Variants in LRP1B observed in about 807,000 individuals in gnomAD.
LRP1B encodes low-density lipoprotein receptor-related protein 1B.
A neutral mutation model predicts 556.6 loss-of-function variants in LRP1B; 217 were observed. That is an observed-to-expected ratio of 0.39 (90% CI 0.35 to 0.44). The LOEUF (loss-of-function observed/expected upper bound fraction) is 0.44, where lower values mean the gene tolerates loss of function less well. Ranked by LOEUF, LRP1B falls within the 20% of genes least tolerant of loss-of-function variation. LRP1B has a pLI of 1.00. For missense variants in LRP1B, 5,053 were observed against 5,620.8 expected, an observed-to-expected ratio of 0.90 and a Z score of 3.23; for synonymous variants, 2,047 against 1,865.8, an observed-to-expected ratio of 1.10 and a Z score of -2.50.
intron 60 of LRP1B, among the ~76,000 whole-genome samples, chr2:140,464,630 C>T (rs982462903): frequency 2.0e-5 from 3 of 152,174 alleles, no homozygotes; most frequent in African/African-American, 4.8e-5. Flanking sequence ...TTGCTTCATG[C>T]ACTTGGTAAA....
intron 2 of LRP1B, among the ~76,000 whole-genome samples, chr2:141,665,681 T>C (rs997024544): frequency 3.3e-5 from 5 of 152,064 alleles, no homozygotes; most frequent in African/African-American, 1.2e-4. Context: ...TCAACGCAAA[T>C]GCGCATCAAT....
intron 66 of LRP1B, among the ~76,000 whole-genome samples, chr2:140,399,062 CCATT>C (rs1435274416): frequency 3.3e-5 from 5 of 151,862 alleles, no homozygotes; most frequent in Non-Finnish European, 7.4e-5. Context: ...ATTGAATAAA[CCATT>C]CAAATACTTA....
chr2:141,061,952 G>A, intron 8 of LRP1B, 99 bp downstream of exon 8: 1 of 873,718 alleles, frequency 1.1e-6, no homozygotes, highest in South Asian at 1.4e-5. Flanking sequence ...ATGACTCATT[G>A]CAGCTCGACT....
At chr2:141,021,909 A>G (rs1460446291) in intron 11 of LRP1B, among the ~76,000 whole-genome samples, 1 of 151,968 alleles carries the variant, frequency 6.6e-6, no homozygotes, top group African/African-American at 2.4e-5. Context: ...GGAATACAGT[A>G]ACTTCTCAGT....
chr2:141,190,379 T>A (rs1398324301), intron 6 of LRP1B, among the ~76,000 whole-genome samples: 1 of 152,002 alleles, frequency 6.6e-6, no homozygotes, highest in East Asian at 1.9e-4. Context: ...TTTTTGCCCC[T>A]ACGCTATTCT....
intron 7 of LRP1B, among the ~76,000 whole-genome samples, chr2:141,125,836 T>C (rs1222534622): frequency 1.0e-5 from 1 of 99,602 alleles, no homozygotes; most frequent in Non-Finnish European, 2.0e-5. Flanking sequence ...TGTAACTCCT[T>C]TCAAATGCAA....
At chr2:141,298,926 C>T (rs1217604770) in intron 3 of LRP1B, among the ~76,000 whole-genome samples, 1 of 149,264 alleles carries the variant, frequency 6.7e-6, no homozygotes, top group Non-Finnish European at 1.5e-5. Flanking sequence ...TCCACTCCAG[C>T]CTGGGTGACA....
chr2:141,950,845 G>A (rs545162606), intron 1 of LRP1B, among the ~76,000 whole-genome samples: 2 of 152,168 alleles, frequency 1.3e-5, no homozygotes, highest in South Asian at 4.1e-4. Flanking sequence ...AACTTTTGGT[G>A]TTTGTTTATA....
At chr2:142,117,696 C>A (rs1248167852) in intron 1 of LRP1B, among the ~76,000 whole-genome samples, 4 of 151,972 alleles carry the variant, frequency 2.6e-5, no homozygotes, top group Non-Finnish European at 5.9e-5. Flanking sequence ...ATATTTAAAA[C>A]TTAGGATATT....
intron 2 of LRP1B, among the ~76,000 whole-genome samples, chr2:141,619,507 G>T (rs1688427280): frequency 6.6e-6 from 1 of 152,130 alleles, no homozygotes; most frequent in Admixed American, 6.5e-5. Flanking sequence ...AGGTGATTCT[G>T]CAATTCAATT....
At chr2:141,712,326 C>T (rs1692391116) in intron 2 of LRP1B, among the ~76,000 whole-genome samples, 1 of 151,728 alleles carries the variant, frequency 6.6e-6, no homozygotes, top group African/African-American at 2.4e-5. Context: ...GCCACAGAAC[C>T]AGTATCACGT....
chr2:141,356,588 A>G (rs1559026291), intron 3 of LRP1B, among the ~76,000 whole-genome samples: 1 of 151,698 alleles, frequency 6.6e-6, no homozygotes, highest in East Asian at 1.9e-4. Flanking sequence ...GGTAACATGT[A>G]TGTTTTTAAG....
chr2:140,346,424 C>T (rs1029244669), intron 77 of LRP1B, among the ~76,000 whole-genome samples: 4 of 151,742 alleles, frequency 2.6e-5, no homozygotes, highest in African/African-American at 9.7e-5. Flanking sequence ...TTATCACTTA[C>T]CTGAGTCAAT....
intron 82 of LRP1B, among the ~76,000 whole-genome samples, chr2:140,319,078 C>T (rs1325568859): frequency 1.3e-5 from 2 of 151,994 alleles, no homozygotes; most frequent in South Asian, 2.1e-4. Flanking sequence ...TCATCTCAGC[C>T]CTGTACTAGG....
chr2:140,523,301 CA>C (rs1190517354), intron 49 of LRP1B, among the ~76,000 whole-genome samples: 1 of 151,882 alleles, frequency 6.6e-6, no homozygotes, highest in Non-Finnish European at 1.5e-5. Flanking sequence ...CCCATGTGAT[CA>C]TCTCAATAGA....
chr2:140,590,277 T>C (rs1682164046), intron 43 of LRP1B, among the ~76,000 whole-genome samples: 1 of 148,068 alleles, frequency 6.8e-6, no homozygotes. Flanking sequence ...TATATGTATA[T>C]ATATCTATAT....
In LRP1B at chr2:140,572,007, C is replaced by T. The variant is rs149270300; in HGVS notation, c.7194+26624G>A. Among the ~76,000 whole-genome samples the T allele has an allele frequency of 6.9e-3, 1,045 of 151,690 alleles. 18 individuals are homozygous for T. The highest frequency in any genetic ancestry group is 7.4e-3 in the Non-Finnish European group (501 of 67,664). ...AAAAAAATTCAAAATGGATTAAAGA[C>T]TTAAATGTAAAACTTGAAGCTATAA... On this transcript the variant is annotated intron_variant, in intron 43 of 90. Transcript: ENST00000389484.
chr2:140,403,541 C>T (rs34241502), intron 66 of LRP1B, among the ~76,000 whole-genome samples: 13,888 of 151,900 alleles, frequency 0.091, 751 homozygotes, highest in Middle Eastern at 0.14. Context: ...AGCTTGAAGG[C>T]AAGGCTTTCA....
intron 7 of LRP1B, among the ~76,000 whole-genome samples, chr2:141,156,515 C>T (rs1574135212): frequency 1.3e-5 from 2 of 151,810 alleles, no homozygotes; most frequent in Admixed American, 1.3e-4. Context: ...GTAATCCCAG[C>T]TACTTGGGAG....
Sources: allele counts gnomAD v4.1 joint callset (sites outside exome capture counted in the v4.1 genomes callset), GRCh38; gene constraint gnomAD v4.1.1; transcripts MANE v1.5; gene names NCBI Gene and HGNC (gene_info 2026-07-23, HGNC 2026-07-21).